The following TRIP12 variants were observed in gnomAD, a reference collection of about 807,000 sequenced individuals.
The protein encoded by TRIP12 is thyroid hormone receptor interactor 12, also known as E3 ubiquitin-protein ligase TRIP12.
In TRIP12, 25 loss-of-function variants were observed where a neutral mutation model predicts 244.2. The observed-to-expected ratio is 0.10, with a 90% CI of 0.07 to 0.14. The LOEUF is 0.14. TRIP12 is among the 10% of genes least tolerant of loss of function. The pLI is 1.00. For missense variants in TRIP12, 1,677 were observed against 2,486.4 expected, an observed-to-expected ratio of 0.67 and a Z score of 6.92; for synonymous variants, 905 against 873.1, an observed-to-expected ratio of 1.04 and a Z score of -0.64.
intron 8 of TRIP12, among the ~76,000 whole-genome samples, chr2:229,824,247 G>C (rs2050871314): frequency 6.6e-6 from 1 of 152,020 alleles, no homozygotes; most frequent in African/African-American, 2.4e-5. Flanking sequence ...AATATACGAA[G>C]ATACATATAA....
intron 4 of TRIP12, among the ~76,000 whole-genome samples, chr2:229,855,196 G>A (rs2059383394): frequency 6.6e-6 from 1 of 152,138 alleles, no homozygotes; most frequent in South Asian, 2.1e-4. Flanking sequence ...GAACCCAGCA[G>A]GCAGAGACTG....
intron 4 of TRIP12, among the ~76,000 whole-genome samples, chr2:229,856,634 A>AAGC (rs1300571440): frequency 8.5e-5 from 13 of 152,184 alleles, no homozygotes; most frequent in African/African-American, 3.1e-4. Flanking sequence ...AGTGAATCCT[A>AAGC]AGCAGCTTGC....
In TRIP12 at chr2:229,796,695, ATCC is replaced by A; in HGVS notation, c.3709_3711del (p.Gly1237del). On this transcript the variant is annotated inframe_deletion, in exon 25 of 42. Coordinates refer to ENST00000675903, the MANE Select transcript of TRIP12 (RefSeq NM_001348323.3). ...AAATAAAGCAACAGCTGCTTCACAA[ATCC>A]ACTATGTTGGATTTCAAATGATGAA... 6.2e-7 allele frequency: 1 copy of A among 1,612,732 alleles called. No homozygotes were observed. The highest frequency in any genetic ancestry group is 8.5e-7 in the Non-Finnish European group (1 of 1,179,704).
intron 2 of TRIP12, among the ~76,000 whole-genome samples, chr2:229,865,342 A>AAAAAAAC (rs2061343681): frequency 3.7e-5 from 1 of 26,890 alleles, no homozygotes; most frequent in Non-Finnish European, 7.2e-5. Context: ...AAAAAAAAAA[A>AAAAAAAC]AGAAAGAAAG....
At chr2:229,917,124 T>C (rs564059026) in intron 1 of TRIP12, among the ~76,000 whole-genome samples, 4 of 152,214 alleles carry the variant, frequency 2.6e-5, no homozygotes, top group African/African-American at 9.6e-5. Context: ...CTCACGCCTG[T>C]AATCCCAGCA....
At chr2:229,890,482 A>G (rs1473463637) in intron 1 of TRIP12, among the ~76,000 whole-genome samples, 3 of 152,208 alleles carry the variant, frequency 2.0e-5, no homozygotes, top group Non-Finnish European at 2.9e-5. Flanking sequence ...CGTTGTGATA[A>G]CCATGGATTT....
At chr2:229,860,946 T>A (rs77256712) in intron 2 of TRIP12, among the ~76,000 whole-genome samples, 3 of 152,178 alleles carry the variant, frequency 2.0e-5, no homozygotes, top group Non-Finnish European at 4.4e-5. Flanking sequence ...GAAAAGACAA[T>A]TGATGATTCC....
intron 2 of TRIP12, among the ~76,000 whole-genome samples, chr2:229,877,120 C>T (rs1285620265): frequency 6.6e-6 from 1 of 152,024 alleles, no homozygotes; most frequent in South Asian, 2.1e-4. Flanking sequence ...GCTGGGCATA[C>T]TGGCAGGCGC....
intron 1 of TRIP12, among the ~76,000 whole-genome samples, chr2:229,904,577 T>C (rs915684842): frequency 6.6e-6 from 1 of 152,110 alleles, no homozygotes; most frequent in African/African-American, 2.4e-5. Context: ...TCTGCTATTA[T>C]TAAAACAGAG....
At chr2:229,821,114 G>A (rs1182190038) in intron 8 of TRIP12, among the ~76,000 whole-genome samples, 1 of 152,062 alleles carries the variant, frequency 6.6e-6, no homozygotes, top group African/African-American at 2.4e-5. Flanking sequence ...ATTAACTTTG[G>A]TTCAGTAAGG....
chr2:229,778,392 T>C lies in TRIP12; in HGVS notation c.5364+41A>G, dbSNP rs763733574. ...GGACTGAGGTACTTGCACAGAACAT[T>C]CTACACCAAAACTGCAAAAAGCAAA... On this transcript the variant is annotated intron_variant, in intron 36 of 41. Coordinates refer to ENST00000675903, the MANE Select transcript of TRIP12 (RefSeq NM_001348323.3). The surrounding 1 kb of genome is among the most constrained non-coding windows in gnomAD (Gnocchi z 4.1). The C allele has an allele frequency of 1.2e-6, 2 of 1,611,912 alleles. No individual in the cohort carries two copies. Among genetic ancestry groups the C allele is most frequent in the South Asian group, 2.2e-5 (2 of 90,832 alleles).
chr2:229,818,251 TAACTC>T lies in TRIP12; in HGVS notation c.1599+108_1599+112del, dbSNP rs780021816. 1.1e-3 allele frequency: 1,266 copies of T among 1,192,024 alleles called. 9 individuals are homozygous for T. The African/African-American group carries it at 0.016, about 15-fold the overall frequency. The allele number at this position is 1,192,024 out of a possible 1,614,324, so 73.8% of individuals were successfully genotyped here. ...AGCACCAAGTCATATACTCCTCTCT[TAACTC>T]TATCATGTTTTAAAAATTAATAATG... On this transcript the variant is annotated intron_variant, in intron 9 of 41. Transcript: ENST00000675903.
chr2:229,877,169 T>TC (rs2063750670), intron 2 of TRIP12, among the ~76,000 whole-genome samples: 1 of 151,324 alleles, frequency 6.6e-6, no homozygotes, highest in African/African-American at 2.4e-5. Context: ...GAGCTATGAT[T>TC]CCATCACTGC....
At chr2:229,857,024 G>A (rs947089153) in intron 4 of TRIP12, among the ~76,000 whole-genome samples, 2 of 152,118 alleles carry the variant, frequency 1.3e-5, no homozygotes, top group Admixed American at 6.5e-5. Flanking sequence ...CAGGTAATAT[G>A]TGAATCAACC....
At chr2:229,830,940 A>T in intron 6 of TRIP12, 101 bp from the exon 7 acceptor site, 1 of 939,956 alleles carries the variant, frequency 1.1e-6, no homozygotes, top group Admixed American at 2.2e-5. Context: ...ACAATTGAAT[A>T]AAGGCAATTA....
chr2:229,794,908 G>A (rs145668687), intron 26 of TRIP12: 8 of 242,030 alleles, frequency 3.3e-5, no homozygotes, highest in African/African-American at 1.6e-4. Context: ...ATGCTGAAGT[G>A]TATCAATTTA....
intron 1 of TRIP12, among the ~76,000 whole-genome samples, chr2:229,920,982 G>T (rs894792825): frequency 6.6e-6 from 1 of 152,100 alleles, no homozygotes; most frequent in Non-Finnish European, 1.5e-5. Flanking sequence ...CGCCTGACTC[G>T]CTCTGAATGC....
rs186464937 is a variant in TRIP12, at chr2:229,860,478, T to C, written c.152A>G (p.Lys51Arg). 224 of 1,612,080 alleles carry C rather than the reference T, an allele frequency of 1.4e-4. 1 individual carries two copies. Among genetic ancestry groups the C allele is most frequent in the Admixed American group, 7.3e-4 (44 of 59,988 alleles). Reference sequence around the variant, plus strand: ...CACTTTGGGTGCCTTAGAATTAGATTTTCTACTCTCAGGAGGGCTATATCC... The same window carrying C: ...CACTTTGGGTGCCTTAGAATTAGATCTTCTACTCTCAGGAGGGCTATATCC... ...HKGYSPPESR[K>R]SNSKAPKVQS... is the part of the protein sequence containing the mutation. The change falls in exon 3 of 42, where the codon AAA becomes AGA. Residue 51 changes from lysine (K) to arginine (R), a missense_variant. By Grantham distance (26) the Lys-to-Arg change is conservative (BLOSUM62 2). Coordinates refer to ENST00000675903, the MANE Select transcript of TRIP12 (RefSeq NM_001348323.3).
chr2:229,858,818 T>C lies in TRIP12; in HGVS notation c.981A>G (p.Ser327=). ...TKLSLPGSSK[S]ETSKPGPSGL... is the part of the protein sequence containing the mutation. ...CAGAAGGTCCAGGTTTTGATGTCTC[T>C]GACTTAGAAGACCCTGGAAGAGACA... Residue 327 remains serine (S), a synonymous_variant, in exon 4 of 42, where the codon TCA becomes TCG. Transcript: ENST00000675903. The C allele has an allele frequency of 6.2e-7, 1 of 1,609,678 alleles. No individual in the cohort carries two copies. Among genetic ancestry groups the C allele is most frequent in the Non-Finnish European group, 8.5e-7 (1 of 1,176,272 alleles).
Sources: allele counts gnomAD v4.1 joint callset (sites outside exome capture counted in the v4.1 genomes callset), GRCh38; gene constraint gnomAD v4.1.1; non-coding constraint Gnocchi (gnomAD v3.1); transcripts MANE v1.5; gene names NCBI Gene and HGNC (gene_info 2026-07-23, HGNC 2026-07-21).